The following SNX19 variants were observed in gnomAD, a reference collection of about 807,000 sequenced individuals.
SNX19 encodes sorting nexin-19.
Under a neutral mutation model 85.2 loss-of-function variants are expected in SNX19, and 60 were observed. The ratio of observed to expected loss-of-function variants is 0.70; its 90% CI spans 0.57 to 0.87. The LOEUF is 0.87. Among genes scored for constraint, SNX19 ranks in the 40% least tolerant of loss-of-function variants. SNX19 has a pLI of 0.00. For missense variants in SNX19, 1,201 were observed against 1,217.8 expected, an observed-to-expected ratio of 0.99 and a Z score of 0.21; for synonymous variants, 520 against 470.0, an observed-to-expected ratio of 1.11 and a Z score of -1.38.
rs547779952 is a variant in SNX19, at chr11:130,878,428, G to C, written c.2973C>G (p.Ser991=). The change falls in exon 11 of 11, where the codon TCC becomes TCG. Residue 991 remains serine (S), a synonymous_variant. Coordinates refer to ENST00000265909, the MANE Select transcript of SNX19 (RefSeq NM_014758.3). The part of the protein sequence containing the change: ...TPGNSKRMGV[S]S ...AGAAGGCGTGAATAACCAGCTAAGA[G>C]GAGACACCCATCCTCTTAGAGTTGC... is the stretch of plus-strand genomic sequence containing the variant. The C allele has an allele frequency of 4.0e-5, 64 of 1,613,620 alleles. No homozygotes were observed. The South Asian group carries it at 5.8e-4, about 15-fold the overall frequency.
intron 8 of SNX19, chr11:130,893,201 A>G (rs1944618429): frequency 6.6e-6 from 1 of 152,566 alleles, no homozygotes; most frequent in South Asian, 2.1e-4. Context: ...GGCAGAAGTG[A>G]TAAGTAATTA....
Position 130,915,455 on chromosome 11 carries a change from C to G in SNX19, c.485G>C (p.Cys162Ser), listed in dbSNP as rs150883561. 6.8e-6 allele frequency: 11 copies of G among 1,613,952 alleles called. No individual in the cohort carries two copies. The highest frequency in any genetic ancestry group is 8.5e-6 in the Non-Finnish European group (10 of 1,180,046). ...AATGTAGCTCTGCAGGTGACAACCG[C>G]AGAGAGTCAGAACACTCTGGGCAAC... ...HAVAQSVLTL[C>S]GCHLQSYIQA... is the part of the protein sequence containing the mutation. The change falls in exon 1 of 11, where the codon TGC (cysteine) becomes TCC (serine). Residue 162 changes from cysteine to serine, a missense_variant. Cys to Ser is a moderately radical substitution (Grantham distance 112). This residue lies in a region of SNX19 where 791 missense variants were observed against 750.9 expected (regional missense o/e 1.05). Transcript: ENST00000265909.
rs1943317494 is a variant in SNX19 at position 130,877,350 on chromosome 11, T to C, written c.*1072A>G. On this transcript the variant is annotated 3_prime_UTR_variant, in exon 11 of 11. Coordinates refer to ENST00000265909, the MANE Select transcript of SNX19 (RefSeq NM_014758.3). ...GTCTGACAAAACACCTTTGCCTTCA[T>C]GCTGGTGTTGTTAAAGGACTGATTA... The C allele has an allele frequency of 1.3e-5, 2 of 152,238 alleles. No homozygotes were observed. The highest frequency in any genetic ancestry group is 6.5e-5 in the Admixed American group (1 of 15,282). The allele number at this position is 152,238 out of a possible 1,614,324, so 9.4% of individuals were successfully genotyped here.
chr11:130,898,678 C>T (rs1945046609), intron 8 of SNX19, among the ~76,000 whole-genome samples: 1 of 152,164 alleles, frequency 6.6e-6, no homozygotes, highest in South Asian at 2.1e-4. Context: ...AGCATATTGG[C>T]TTACCAAAGC....
At chr11:130,892,977 G>T (rs1425767728) in intron 8 of SNX19, 1 of 152,354 alleles carries the variant, frequency 6.6e-6, no homozygotes. Context: ...GAGGGGAAAG[G>T]GCAGGGAGAG....
Position 130,868,182 on chromosome 11 carries a change from C to A in SNX19, c.*10240G>T, listed in dbSNP as rs1942853966. On this transcript the variant is annotated 3_prime_UTR_variant, in exon 11 of 11. Transcript: ENST00000265909. Reference sequence around the variant, plus strand: ...GAAGGCTGATTTTTCACTTCTCATGCCTTCCCTTTTCACACACTGGGGGCA... The same window carrying A: ...GAAGGCTGATTTTTCACTTCTCATGACTTCCCTTTTCACACACTGGGGGCA... The A allele has an allele frequency of 6.6e-6, 1 of 152,138 alleles. No homozygotes were observed. The highest frequency in any genetic ancestry group is 6.5e-5 in the Admixed American group (1 of 15,276). 9.4% of individuals were successfully genotyped at this position (152,138 alleles called of 1,614,324 possible).
chr11:130,914,296 T>A lies in SNX19; in HGVS notation c.1644A>T (p.Gly548=), dbSNP rs1946364478. The change falls in exon 1 of 11, where the codon GGA becomes GGT. Residue 548 remains glycine (G), a synonymous_variant. Transcript: ENST00000265909. ...CAGTATAGAGTGTGTATGGGTGGAA[T>A]CCAGTGCCACTGTGCTCTCGGGCTG... ...TITAREHSGT[G]FHPYTLYTVK... 1.3e-6 allele frequency: 2 copies of A among 1,598,700 alleles called. No individual in the cohort carries two copies. Among genetic ancestry groups the A allele is most frequent in the Middle Eastern group, 1.7e-4 (1 of 5,992 alleles).
chr11:130,888,334 G>A (rs1024710002), intron 8 of SNX19, among the ~76,000 whole-genome samples: 7 of 152,144 alleles, frequency 4.6e-5, no homozygotes, highest in African/African-American at 1.7e-4. Flanking sequence ...AAGATGAAGA[G>A]CAGTGCTCTA....
chr11:130,879,166 C>T (rs968575591), intron 10 of SNX19, among the ~76,000 whole-genome samples: 1 of 152,200 alleles, frequency 6.6e-6, no homozygotes, highest in Non-Finnish European at 1.5e-5. Context: ...AACTCCTGGT[C>T]TTGACATGAA....
chr11:130,906,481 T>A, intron 6 of SNX19, 144 bp downstream of exon 6: 1 of 683,810 alleles, frequency 1.5e-6, no homozygotes, highest in South Asian at 1.9e-5. Flanking sequence ...GAAAATACTT[T>A]TAGCATAAAA....
chr11:130,869,256 G>A lies in SNX19; in HGVS notation c.*9166C>T, dbSNP rs539971555. On this transcript the variant is annotated 3_prime_UTR_variant, in exon 11 of 11. Coordinates refer to ENST00000265909, the MANE Select transcript of SNX19 (RefSeq NM_014758.3). Reference sequence around the variant, plus strand: ...AGCTGTGCGGGTCCAGCCAATTTAAGATAAACTCTGTTTAATTACATTTTA... The same window carrying A: ...AGCTGTGCGGGTCCAGCCAATTTAAAATAAACTCTGTTTAATTACATTTTA... 2.0e-5 allele frequency: 3 copies of A among 152,310 alleles called. No homozygotes were observed. Among genetic ancestry groups the A allele is most frequent in the Admixed American group, 2.0e-4 (3 of 15,298 alleles). The allele number at this position is 152,310 out of a possible 1,614,324, so 9.4% of individuals were successfully genotyped here. A position where few individuals can be genotyped will look rare whatever the true frequency, so the allele number is the denominator to read the frequency against.
In SNX19 at chr11:130,870,404, C is replaced by G. The variant is rs1389829889; in HGVS notation, c.*8018G>C. On this transcript the variant is annotated 3_prime_UTR_variant, in exon 11 of 11. Transcript: ENST00000265909. ...AACCCACATGGGTGCAGGGTGCACA[C>G]CTGAACAGGGGGTAGCCTCTGATGA... Among the ~76,000 whole-genome samples, 2 of 152,244 alleles carry G rather than the reference C, an allele frequency of 1.3e-5. No individual in the cohort carries two copies. The highest frequency in any genetic ancestry group is 2.9e-5 in the Non-Finnish European group (2 of 68,050).
chr11:130,893,696 A>G (rs1944665378), intron 8 of SNX19: 1 of 668,136 alleles, frequency 1.5e-6, no homozygotes, highest in Admixed American at 2.3e-5. Context: ...GAGGAGTAAT[A>G]AATAAAACTG....
chr11:130,885,854 A>G lies in SNX19; in HGVS notation c.2574-5048T>C, dbSNP rs111379592. Among the ~76,000 whole-genome samples, 6 of 152,360 alleles carry G rather than the reference A, an allele frequency of 3.9e-5. 1 individual carries two copies. Among genetic ancestry groups the G allele is most frequent in the African/African-American group, 1.4e-4 (6 of 41,588 alleles). On this transcript the variant is annotated intron_variant, in intron 8 of 10. Coordinates refer to ENST00000265909, the MANE Select transcript of SNX19 (RefSeq NM_014758.3). ...CTTCTATCATCCTAAGTACACCTTC[A>G]GTAAATTAGAAGTATTGACTTATTT... is the stretch of plus-strand genomic sequence containing the variant.
In SNX19 at chr11:130,878,500, G is replaced by A; in HGVS notation, c.2901C>T (p.Ala967=). 1 of 1,613,844 alleles carries A rather than the reference G, an allele frequency of 6.2e-7. No homozygotes were observed. The highest frequency in any genetic ancestry group is 2.2e-5 in the East Asian group (1 of 44,850). Residue 967 remains alanine, a synonymous_variant, in exon 11 of 11, where the codon GCC becomes GCT. Transcript: ENST00000265909. ...TGGTAGCAGCAGACTCCTCAACAGA[G>A]GCACTGAGATCCAAGAATTCCAGGA... is the stretch of plus-strand genomic sequence containing the variant. The part of the protein sequence containing the change: ...DIILEFLDLS[A]SVEESAATTS...
At chr11:130,905,142 C>A (rs1024106775) in intron 7 of SNX19, among the ~76,000 whole-genome samples, 1 of 152,174 alleles carries the variant, frequency 6.6e-6, no homozygotes, top group African/African-American at 2.4e-5. Context: ...TGTTCAGTAA[C>A]CATACTGATT....
Position 130,910,065 on chromosome 11 carries a change from G to C in SNX19, c.1987C>G (p.Arg663Gly), listed in dbSNP as rs140963839. The C allele has an allele frequency of 7.4e-6, 12 of 1,613,914 alleles. No homozygotes were observed. In the African/African-American group the frequency reaches 1.5e-4, roughly 20 times the overall value. Residue 663 changes from arginine to glycine, a missense_variant, in exon 4 of 11, where the codon CGT (arginine) becomes GGT (glycine). Around this residue, in one of 3 missense-constraint regions of SNX19, gnomAD observed 125 missense variants for 171.6 expected, o/e 0.73. Transcript: ENST00000265909. Reference protein sequence around the residue: ...QEFLALNTDARIAFVKKPFMV... With the variant: ...QEFLALNTDAGIAFVKKPFMV... ...AATGGTTTCTTGACAAAGGCAATACGAGCATCTGTGTTCAGAGCAAGGAAC... is the reference window on the plus strand; with the variant it reads ...AATGGTTTCTTGACAAAGGCAATACCAGCATCTGTGTTCAGAGCAAGGAAC...
chr11:130,903,309 C>T lies in SNX19; in HGVS notation c.2519G>A (p.Cys840Tyr), dbSNP rs1324250020. 2 of 1,613,958 alleles carry T rather than the reference C, an allele frequency of 1.2e-6. No homozygotes were observed. The highest frequency in any genetic ancestry group is 2.2e-5 in the East Asian group (1 of 44,862). ...AAGAAACTTTTGCATGTTTTCGGTA[C>T]ATAGCCATTTCCACTGTTCTGTTAG... ...LLLTEQWKWL[C>Y]TENMQKFLRL... The change falls in exon 8 of 11, where the codon TGT (cysteine) becomes TAT (tyrosine). Residue 840 changes from cysteine (C) to tyrosine (Y), a missense_variant. Physicochemically the swap from Cys to Tyr is radical, Grantham distance 194. Transcript: ENST00000265909.
At position 130,915,798 on chromosome 11, in the gene SNX19, C is replaced by T; in HGVS notation, c.142G>A (p.Val48Met). ...WLLVIHLLVN[V>M]WLLCLLSALL... ...GCCGACAGAAGGCACAGCAGCCACA[C>T]GTTGACCAGAAGGTGTATGACCAGG... The change falls in exon 1 of 11, where the codon GTG becomes ATG. Residue 48 changes from valine (V) to methionine (M), a missense_variant. Coordinates refer to ENST00000265909, the MANE Select transcript of SNX19 (RefSeq NM_014758.3). The T allele has an allele frequency of 1.9e-6, 3 of 1,614,194 alleles. No homozygotes were observed. Among genetic ancestry groups the T allele is most frequent in the South Asian group, 1.1e-5 (1 of 91,088 alleles).
Sources: allele counts gnomAD v4.1 joint callset (sites outside exome capture counted in the v4.1 genomes callset), GRCh38; gene constraint gnomAD v4.1.1; regional missense constraint gnomAD v4.1.1; transcripts MANE v1.5; gene names NCBI Gene and HGNC (gene_info 2026-07-23, HGNC 2026-07-21).